DEPTOR: variants seen among roughly 807,000 people sequenced by gnomAD.
DEPTOR encodes the protein DEP domain-containing mTOR-interacting protein.
DEPTOR carries 41 observed loss-of-function variants against 41.6 expected under a neutral mutation model. The ratio of observed to expected loss-of-function variants is 0.98; its 90% CI spans 0.77 to 1.28. The LOEUF is 1.28. Ranked by LOEUF, DEPTOR falls within the 50% of genes most tolerant of loss-of-function variation. The pLI is 0.00. For missense variants in DEPTOR, 514 were observed against 527.9 expected (o/e 0.97, Z 0.26); for synonymous variants, 195 against 192.3 (o/e 1.01, Z -0.12).
intron 8 of DEPTOR, among the ~76,000 whole-genome samples, chr8:120,026,280 T>G (rs537319398): frequency 6.6e-6 from 1 of 152,154 alleles, no homozygotes; most frequent in African/African-American, 2.4e-5. Flanking sequence ...GCATTTCTGC[T>G]CACAGCTTGT....
intron 1 of DEPTOR, among the ~76,000 whole-genome samples, chr8:119,915,045 C>T (rs1251853812): frequency 6.6e-6 from 1 of 152,154 alleles, no homozygotes; most frequent in Admixed American, 6.5e-5. Context: ...CAGCTCACTG[C>T]AGCCTCTGCC....
At chr8:119,903,218 C>T (rs767892727) in intron 1 of DEPTOR, among the ~76,000 whole-genome samples, 1 of 152,154 alleles carries the variant, frequency 6.6e-6, no homozygotes, top group Admixed American at 6.5e-5. Context: ...CCTGCCTCAG[C>T]CTCCCAAGTA....
chr8:120,040,723 A>G (rs1378253225), intron 8 of DEPTOR, among the ~76,000 whole-genome samples: 1 of 152,198 alleles, frequency 6.6e-6, no homozygotes, highest in Non-Finnish European at 1.5e-5. Context: ...CTTCCTCATT[A>G]AGTGGTGCAT....
chr8:119,947,979 G>C (rs11998247), intron 3 of DEPTOR, among the ~76,000 whole-genome samples: 29,762 of 151,946 alleles, frequency 0.2, 3,114 homozygotes, highest in Middle Eastern at 0.27. Context: ...CCATGCATTT[G>C]TACTTGCTCC....
chr8:119,938,875 C>T (rs1172156710), intron 3 of DEPTOR, among the ~76,000 whole-genome samples: 1 of 142,420 alleles, frequency 7.0e-6, no homozygotes, highest in African/African-American at 2.5e-5. Context: ...CCCTCTCTGC[C>T]TTCCCCTCTC....
chr8:119,983,784 G>A (rs953415599), intron 4 of DEPTOR, among the ~76,000 whole-genome samples: 1 of 151,644 alleles, frequency 6.6e-6, no homozygotes, highest in Non-Finnish European at 1.5e-5. Flanking sequence ...CTTTTTTAAA[G>A]CTATGAACAA....
intron 8 of DEPTOR, among the ~76,000 whole-genome samples, chr8:120,015,722 C>T (rs965221053): frequency 2.6e-5 from 4 of 152,036 alleles, no homozygotes; most frequent in Admixed American, 1.3e-4. Context: ...GCTCCAAAGC[C>T]GAAAGAGGAG....
intron 1 of DEPTOR, among the ~76,000 whole-genome samples, chr8:119,891,821 CTT>C (rs1468105540): frequency 2.0e-5 from 3 of 152,168 alleles, no homozygotes; most frequent in Non-Finnish European, 2.9e-5. Flanking sequence ...AAAGTCATCT[CTT>C]TGTATAAGCA....
rs1812261717 is a variant in DEPTOR at position 119,996,512 on chromosome 8, G to C, written c.605-5013G>C. On this transcript the variant is annotated intron_variant, in intron 4 of 8. Transcript: ENST00000286234. ...GAAGGACTATATAAAGTTGACTTTT[G>C]TATTTGATCTTAGATAGTATGTTTG... is the stretch of plus-strand genomic sequence containing the variant. Among the ~76,000 whole-genome samples, 3 of 152,232 alleles carry C rather than the reference G, an allele frequency of 2.0e-5. No homozygotes were observed. The South Asian group carries it at 6.2e-4, about 32-fold the overall frequency.
At chr8:119,908,809 G>T (rs1247483541) in intron 1 of DEPTOR, among the ~76,000 whole-genome samples, 1 of 152,102 alleles carries the variant, frequency 6.6e-6, no homozygotes, top group Non-Finnish European at 1.5e-5. Context: ...GTAATCAGTG[G>T]GAAAATTACA....
intron 3 of DEPTOR, among the ~76,000 whole-genome samples, chr8:119,944,387 T>C (rs1318389612): frequency 1.3e-5 from 2 of 152,204 alleles, no homozygotes; most frequent in Non-Finnish European, 2.9e-5. Flanking sequence ...GTGGCCACTG[T>C]TGTAAGAGCA....
At chr8:119,950,596 T>A (rs1385018988) in intron 3 of DEPTOR, among the ~76,000 whole-genome samples, 2 of 151,908 alleles carry the variant, frequency 1.3e-5, no homozygotes, top group Non-Finnish European at 2.9e-5. Context: ...TTTCTTTTCT[T>A]CTTTTTCTTT....
rs553649298 is a variant in DEPTOR, at chr8:120,047,093, G to A, written c.1102-2483G>A. Among the ~76,000 whole-genome samples the A allele has an allele frequency of 1.0e-3, 154 of 152,106 alleles. 1 individual carries two copies. Among genetic ancestry groups the A allele is most frequent in the African/African-American group, 3.5e-3 (144 of 41,506 alleles). ...GGCTAGAGTGCAGTGGCAGAATCTC[G>A]GCCCACTGCAACCTCTGCCTCCCAG... On this transcript the variant is annotated intron_variant, in intron 8 of 8. Coordinates refer to ENST00000286234, the MANE Select transcript of DEPTOR (RefSeq NM_022783.4).
chr8:120,042,224 A>G (rs1813085764), intron 8 of DEPTOR, among the ~76,000 whole-genome samples: 1 of 152,122 alleles, frequency 6.6e-6, no homozygotes, highest in South Asian at 2.1e-4. Context: ...AGAGGTAGTC[A>G]CGCGTTCTGT....
chr8:119,935,991 G>A (rs1828106157), intron 3 of DEPTOR, among the ~76,000 whole-genome samples: 1 of 138,444 alleles, frequency 7.2e-6, no homozygotes, highest in Admixed American at 7.4e-5. Flanking sequence ...AGACACATTA[G>A]TCTAGTTGTT....
chr8:119,990,952 T>C (rs1180664655), intron 4 of DEPTOR, among the ~76,000 whole-genome samples: 1 of 152,176 alleles, frequency 6.6e-6, no homozygotes. Context: ...CTTTAGGAAA[T>C]AGGGCTCCTT....
intron 8 of DEPTOR, among the ~76,000 whole-genome samples, chr8:120,030,632 C>T (rs1362410188): frequency 6.7e-6 from 1 of 149,612 alleles, no homozygotes; most frequent in Non-Finnish European, 1.5e-5. Flanking sequence ...TCAGACTCCC[C>T]AGTAGCTAGG....
chr8:119,972,962 G>A (rs150086427), intron 4 of DEPTOR, among the ~76,000 whole-genome samples: 268 of 151,066 alleles, frequency 1.8e-3, no homozygotes, highest in African/African-American at 6.2e-3. Flanking sequence ...TTTTTGAGAC[G>A]GAGTTTCGCT....
intron 1 of DEPTOR, among the ~76,000 whole-genome samples, chr8:119,910,485 C>A (rs1827722713): frequency 6.6e-6 from 1 of 152,000 alleles, no homozygotes. Context: ...CAGAGTCCCG[C>A]TCTGTCCCCC....
Sources: gnomAD v4.1 joint callset for allele counts (sites outside exome capture counted in the v4.1 genomes callset) on GRCh38, gnomAD v4.1.1 for gene constraint, MANE v1.5 for transcripts, NCBI Gene and HGNC (gene_info 2026-07-23, HGNC 2026-07-21) for gene names.